Variants in TATDN3 observed in about 807,000 individuals in gnomAD.
TATDN3 encodes deoxyribonuclease TATDN3.
In TATDN3, 29 loss-of-function variants were observed where a neutral mutation model predicts 40.1. The ratio of observed to expected loss-of-function variants is 0.72; its 90% CI spans 0.54 to 0.99. TATDN3 has a LOEUF of 0.99. Among genes scored for constraint, TATDN3 ranks in the 50% least tolerant of loss-of-function variants. The pLI is 0.00. For missense variants in TATDN3, 309 were observed against 321.9 expected (o/e 0.96, Z 0.31); for synonymous variants, 105 against 117.0 (o/e 0.90, Z 0.66).
At chr1:212,806,747 CATAT>C (rs71495077) in intron 7 of TATDN3, among the ~76,000 whole-genome samples, 1,389 of 43,938 alleles carry the variant, frequency 0.032, 148 homozygotes, top group African/African-American at 0.096. Context: ...TCTCTCTCTC[CATAT>C]ATATATATAT....
At chr1:212,806,740 CT>C in intron 7 of TATDN3, among the ~76,000 whole-genome samples, 1 of 98,024 alleles carries the variant, frequency 1.0e-5, no homozygotes, top group Non-Finnish European at 1.9e-5. Flanking sequence ...CTCTCTCTCT[CT>C]CTCTCCATAT....
At chr1:212,804,740 G>C in intron 7 of TATDN3, 89 bp downstream of exon 7, 1 of 1,238,164 alleles carries the variant, frequency 8.1e-7, no homozygotes. Flanking sequence ...GTTTTAATCT[G>C]ATTTCTTGAA....
chr1:212,798,573 T>G (rs1156772085), intron 4 of TATDN3, among the ~76,000 whole-genome samples: 3 of 150,952 alleles, frequency 2.0e-5, no homozygotes, highest in Non-Finnish European at 4.4e-5. Flanking sequence ...AGAAAATTCA[T>G]TCATTTCAGG....
At chr1:212,797,052 A>G (rs1661814501) in intron 3 of TATDN3, 60 bp from the exon 4 acceptor site, 1 of 1,307,532 alleles carries the variant, frequency 7.6e-7, no homozygotes. Context: ...TATTCTTTAG[A>G]ATACGTTGTA....
chr1:212,811,790 C>T (rs1470695368), intron 8 of TATDN3, among the ~76,000 whole-genome samples: 1 of 151,900 alleles, frequency 6.6e-6, no homozygotes, highest in African/African-American at 2.4e-5. Context: ...GCAACCTCCA[C>T]CTCCCGGGTT....
At chr1:212,793,364 C>T (rs1661486952) in intron 1 of TATDN3, among the ~76,000 whole-genome samples, 1 of 152,064 alleles carries the variant, frequency 6.6e-6, no homozygotes, top group African/African-American at 2.4e-5. Flanking sequence ...AGGTGTGTCC[C>T]ACCACGCCTG....
intron 3 of TATDN3, chr1:212,796,897 G>C (rs1279679044): frequency 7.9e-6 from 4 of 507,366 alleles, no homozygotes; most frequent in Non-Finnish European, 1.4e-5. Flanking sequence ...CACCAGGCCT[G>C]GCTAATTTTT....
chr1:212,795,315 G>C (rs1270996037), intron 2 of TATDN3, among the ~76,000 whole-genome samples, 188 bp downstream of exon 2: 1 of 151,716 alleles, frequency 6.6e-6, no homozygotes, highest in Non-Finnish European at 1.5e-5. Flanking sequence ...CTGTCGCCCA[G>C]GCTGGAGTGC....
chr1:212,796,732 C>A, intron 3 of TATDN3, 142 bp downstream of exon 3: 1 of 570,562 alleles, frequency 1.8e-6, no homozygotes, highest in Non-Finnish European at 2.9e-6. Context: ...TTATTTTCTA[C>A]TTATTCCTTT....
In TATDN3 at chr1:212,804,602, G is replaced by A. The variant is rs1198640523; in HGVS notation, c.438G>A (p.Val146=). The A allele has an allele frequency of 1.9e-6, 3 of 1,613,262 alleles. No individual in the cohort carries two copies. The African/African-American group carries it at 4.0e-5, about 22-fold the overall frequency. The change falls in exon 7 of 10, where the codon GTG becomes GTA. Residue 146 remains valine (V), a synonymous_variant. Transcript: ENST00000366974. The part of the protein sequence containing the change: ...LAKRLNLPVN[V]HSRSAGRPTI... ...TGTTGTTATCGTTAAACAGAAATGTGCACTCACGCTCTGCTGGAAGACCTA... is the reference window on the plus strand; with the variant it reads ...TGTTGTTATCGTTAAACAGAAATGTACACTCACGCTCTGCTGGAAGACCTA...
At chr1:212,797,697 G>A (rs1283738000) in intron 4 of TATDN3, 1 of 152,796 alleles carries the variant, frequency 6.5e-6, no homozygotes, top group African/African-American at 2.4e-5. Flanking sequence ...AGAATATCTA[G>A]AAAAAGAAAG....
In TATDN3 at chr1:212,793,319, TCTC is replaced by T. The variant is rs1424728322; in HGVS notation, c.66+1335_66+1337del. On this transcript the variant is annotated intron_variant, in intron 1 of 9. Transcript: ENST00000366974. ...CCTCCACCTCCTGGGCTCAAAAAAT[TCTC>T]CTGTCTCAGCCTCCCAAGTAGCTGG... Among the ~76,000 whole-genome samples the T allele has an allele frequency of 3.3e-5, 5 of 152,194 alleles. No homozygotes were observed. The South Asian group carries it at 1.0e-3, about 32-fold the overall frequency.
chr1:212,797,217 G>C, intron 4 of TATDN3, 21 bp downstream of exon 4: 3 of 1,581,752 alleles, frequency 1.9e-6, no homozygotes, highest in Non-Finnish European at 2.6e-6. Context: ...TACAAAACAG[G>C]AACCATTAAA....
rs1160979586 is a variant in TATDN3, at chr1:212,816,608, A to T, written c.*1452A>T. The T allele has an allele frequency of 6.6e-6, 1 of 152,218 alleles. No individual in the cohort carries two copies. Among genetic ancestry groups the T allele is most frequent in the Non-Finnish European group, 1.5e-5 (1 of 68,032 alleles). 9.4% of individuals were successfully genotyped at this position (152,218 alleles called of 1,614,324 possible). On this transcript the variant is annotated 3_prime_UTR_variant, in exon 10 of 10. Transcript: ENST00000366974. ...AAGTACCTGTCATAGAAAAAAATAAACTTCCTAAATCAAAGTGATTTTATG... is the reference window on the plus strand; with the variant it reads ...AAGTACCTGTCATAGAAAAAAATAATCTTCCTAAATCAAAGTGATTTTATG...
At chr1:212,806,446 C>T (rs575782954) in intron 7 of TATDN3, among the ~76,000 whole-genome samples, 1 of 146,264 alleles carries the variant, frequency 6.8e-6, no homozygotes, top group South Asian at 2.2e-4. Context: ...TCTCTGCTCA[C>T]TGCAACCTCC....
At position 212,816,737 on chromosome 1, in the gene TATDN3, GA is replaced by G. The variant is rs1456994012; in HGVS notation, c.*1582del. ...TAAGAAACTGAATAGGGTATTTTAT[GA>G]GGTATTTAATGACTCATCAGCACCA... On this transcript the variant is annotated 3_prime_UTR_variant, in exon 10 of 10. Coordinates refer to ENST00000366974, the MANE Select transcript of TATDN3 (RefSeq NM_001042552.3). 6.6e-6 allele frequency: 1 copy of G among 152,154 alleles called. No homozygotes were observed. Among genetic ancestry groups the G allele is most frequent in the Middle Eastern group, 3.2e-3 (1 of 316 alleles). 9.4% of individuals were successfully genotyped at this position (152,154 alleles called of 1,614,324 possible). A position where few individuals can be genotyped will look rare whatever the true frequency, so the allele number is the denominator to read the frequency against.
chr1:212,807,760 C>T lies in TATDN3; in HGVS notation c.512C>T (p.Ala171Val), dbSNP rs769281332. 6.2e-7 allele frequency: 1 copy of T among 1,613,440 alleles called. No individual in the cohort carries two copies. Among genetic ancestry groups the T allele is most frequent in the Non-Finnish European group, 8.5e-7 (1 of 1,179,766 alleles). Residue 171 changes from alanine to valine, a missense_variant, in exon 8 of 10, where the codon GCA becomes GTA. By Grantham distance (64) the Ala-to-Val change is moderately conservative. Transcript: ENST00000366974. ...EQGAEKVLLH[A>V]FDGRPSVAME... ...GGTGCTGAGAAGGTACTGCTGCATG[C>T]ATTTGATGGTCGGCCATCTGTAGCC... is the stretch of plus-strand genomic sequence containing the variant.
At chr1:212,800,377 T>C (rs2102445865) in intron 4 of TATDN3, among the ~76,000 whole-genome samples, 1 of 149,624 alleles carries the variant, frequency 6.7e-6, no homozygotes, top group Admixed American at 6.7e-5. Context: ...GGTACTTCTT[T>C]TTTTTTTTTT....
chr1:212,807,259 A>G (rs930196065), intron 7 of TATDN3, among the ~76,000 whole-genome samples: 1 of 151,004 alleles, frequency 6.6e-6, no homozygotes, highest in East Asian at 1.9e-4. Flanking sequence ...TGTTTTTATT[A>G]GTTTATTTTT....
Sources: allele counts gnomAD v4.1 joint callset (sites outside exome capture counted in the v4.1 genomes callset), GRCh38; gene constraint gnomAD v4.1.1; transcripts MANE v1.5; gene names NCBI Gene and HGNC (gene_info 2026-07-23, HGNC 2026-07-21).